The following NCALD variants were observed in gnomAD, a reference collection of about 807,000 sequenced individuals.
NCALD encodes neurocalcin-delta.
A neutral mutation model predicts 18.6 loss-of-function variants in NCALD; 10 were observed. The ratio of observed to expected loss-of-function variants is 0.54; its 90% CI spans 0.33 to 0.91. The LOEUF (loss-of-function observed/expected upper bound fraction) is 0.91. NCALD is among the 40% of genes least tolerant of loss of function. The probability of loss-of-function intolerance (pLI) is 0.03; values close to 1 mark genes in which losing one functional copy is unlikely to be tolerated. For synonymous variants in NCALD, 88 were observed against 87.4 expected (o/e 1.01, Z -0.04); for missense variants, 184 against 247.6 (o/e 0.74, Z 1.72).
chr8:102,091,173 C>A (rs922371660), intron 1 of NCALD, among the ~76,000 whole-genome samples: 1 of 152,140 alleles, frequency 6.6e-6, no homozygotes, highest in Non-Finnish European at 1.5e-5. Context: ...GAACAGAGTT[C>A]CACTGAAGCC....
intron 2 of NCALD, among the ~76,000 whole-genome samples, chr8:101,705,056 G>A (rs529471996): frequency 1.1e-4 from 17 of 151,344 alleles, no homozygotes; most frequent in Non-Finnish European, 1.9e-4. Flanking sequence ...ATGAAACCCC[G>A]TCTCAACTAA....
At chr8:102,081,149 C>A (rs1387569572) in intron 1 of NCALD, among the ~76,000 whole-genome samples, 3 of 152,074 alleles carry the variant, frequency 2.0e-5, no homozygotes, top group African/African-American at 4.8e-5. Context: ...TAAAAGGGTT[C>A]TTTTATGACC....
intron 3 of NCALD, among the ~76,000 whole-genome samples, chr8:101,912,188 TA>T (rs1356790107): frequency 2.6e-5 from 4 of 151,996 alleles, no homozygotes; most frequent in East Asian, 3.9e-4. Flanking sequence ...ATGTAAAATA[TA>T]AAAAAACTAA....
chr8:101,770,058 A>G (rs1245457189), intron 1 of NCALD, among the ~76,000 whole-genome samples: 1 of 152,196 alleles, frequency 6.6e-6, no homozygotes, highest in African/African-American at 2.4e-5. Context: ...TATAGTTGTA[A>G]AAGTTTCCTA....
At chr8:101,969,492 A>C (rs992127570) in intron 2 of NCALD, among the ~76,000 whole-genome samples, 1 of 152,242 alleles carries the variant, frequency 6.6e-6, no homozygotes, top group African/African-American at 2.4e-5. Flanking sequence ...GACTAGAAGA[A>C]ACTCTAAAAA....
chr8:101,693,818 C>T (rs1172543881), intron 2 of NCALD: 1 of 152,186 alleles, frequency 6.6e-6, no homozygotes, highest in East Asian at 1.9e-4. Context: ...GTGCTTTTCT[C>T]CCTGTGTGTG....
intron 2 of NCALD, among the ~76,000 whole-genome samples, chr8:101,696,334 C>T (rs1814990338): frequency 1.3e-5 from 2 of 152,090 alleles, no homozygotes; most frequent in Admixed American, 1.3e-4. Flanking sequence ...CATGTAAAAC[C>T]ATTGTTGAGA....
At chr8:102,007,050 A>C (rs1240014325) in intron 2 of NCALD, among the ~76,000 whole-genome samples, 1 of 152,144 alleles carries the variant, frequency 6.6e-6, no homozygotes, top group Non-Finnish European at 1.5e-5. Context: ...GCTTATTAAA[A>C]ATGCAGATTC....
chr8:101,981,070 A>C (rs1464150560), intron 2 of NCALD, among the ~76,000 whole-genome samples: 1 of 152,230 alleles, frequency 6.6e-6, no homozygotes, highest in Non-Finnish European at 1.5e-5. Context: ...CAGTCATTTA[A>C]TTCTTGTATA....
intron 3 of NCALD, chr8:101,692,222 G>A (rs1814760132): frequency 1.0e-6 from 1 of 985,244 alleles, no homozygotes; most frequent in Non-Finnish European, 1.2e-6. Context: ...TTTGAATTGT[G>A]GGTAGCACCA....
At chr8:102,114,063 G>C (rs1825712676) in intron 1 of NCALD, among the ~76,000 whole-genome samples, 1 of 152,214 alleles carries the variant, frequency 6.6e-6, no homozygotes, top group African/African-American at 2.4e-5. Context: ...CAGGCACTAT[G>C]ACAAGCATGA....
At position 101,689,182 on chromosome 8, in the gene NCALD, C is replaced by A. The variant is rs531667912; in HGVS notation, c.*127G>T. The A allele has an allele frequency of 2.2e-4, 185 of 835,624 alleles. 3 individuals are homozygous for A. Among genetic ancestry groups the A allele is most frequent in the South Asian group, 1.4e-3 (100 of 69,966 alleles). The allele number at this position is 835,624 out of a possible 1,614,324, so 51.8% of individuals were successfully genotyped here. A position where few individuals can be genotyped will look rare whatever the true frequency, so the allele number is the denominator to read the frequency against. ...AAGCTGAAGGCGTCACGGAGGAAGG[C>A]GCATCAGACCGCACAGGGGACGGCA... On this transcript the variant is annotated 3_prime_UTR_variant, in exon 4 of 4. Coordinates refer to ENST00000220931, the MANE Select transcript of NCALD (RefSeq NM_032041.3). This position sits in a 1 kb window ranked among gnomAD's most constrained non-coding sequence, Gnocchi z 4.4.
intron 1 of NCALD, among the ~76,000 whole-genome samples, chr8:101,755,234 ACT>A (rs751564666): frequency 2.0e-5 from 3 of 152,116 alleles, no homozygotes; most frequent in Non-Finnish European, 2.9e-5. Flanking sequence ...AATACAAATG[ACT>A]CTAACTCCTG....
At chr8:102,025,629 T>C (rs1253993229) in intron 1 of NCALD, among the ~76,000 whole-genome samples, 2 of 152,218 alleles carry the variant, frequency 1.3e-5, no homozygotes, top group Non-Finnish European at 2.9e-5. Context: ...AGAATTAAAT[T>C]GGAGCACCCA....
intron 3 of NCALD, among the ~76,000 whole-genome samples, chr8:101,906,645 CT>C (rs954432140): frequency 6.6e-6 from 1 of 152,192 alleles, no homozygotes; most frequent in Non-Finnish European, 1.5e-5. Context: ...ATTGCAGTCA[CT>C]TGATTGGGAA....
intron 1 of NCALD, among the ~76,000 whole-genome samples, chr8:101,770,526 G>A (rs1205102741): frequency 1.3e-5 from 2 of 152,034 alleles, no homozygotes; most frequent in Non-Finnish European, 2.9e-5. Context: ...CAAACTCCTG[G>A]GGGGGCTTCC....
chr8:101,712,526 C>T (rs1008330207), intron 2 of NCALD, among the ~76,000 whole-genome samples: 1 of 125,896 alleles, frequency 7.9e-6, no homozygotes, highest in Non-Finnish European at 1.6e-5. Context: ...ATCTCACATG[C>T]AAAGACACAC....
chr8:102,060,656 A>C (rs920040038), intron 1 of NCALD, among the ~76,000 whole-genome samples: 3 of 152,192 alleles, frequency 2.0e-5, no homozygotes, highest in African/African-American at 7.2e-5. Context: ...GGGCCTGGGA[A>C]GCACAGGGCT....
At chr8:101,727,322 A>G (rs1028703801) in intron 1 of NCALD, among the ~76,000 whole-genome samples, 4 of 152,132 alleles carry the variant, frequency 2.6e-5, no homozygotes, top group South Asian at 2.1e-4. Flanking sequence ...CAGCACCTCA[A>G]TACAAACTAT....
Sources: allele counts gnomAD v4.1 joint callset (sites outside exome capture counted in the v4.1 genomes callset), GRCh38; gene constraint gnomAD v4.1.1; non-coding constraint Gnocchi (gnomAD v3.1); transcripts MANE v1.5; gene names NCBI Gene and HGNC (gene_info 2026-07-23, HGNC 2026-07-21).